NALCN: variants seen among roughly 807,000 people sequenced by gnomAD.
NALCN encodes the protein sodium leak channel, non-selective.
NALCN carries 111 observed loss-of-function variants against 225.3 expected under a neutral mutation model. The observed-to-expected ratio is 0.49, with a 90% CI of 0.42 to 0.58. The LOEUF (loss-of-function observed/expected upper bound fraction) is 0.58, where lower values mean the gene tolerates loss of function less well. Among genes scored for constraint, NALCN ranks in the 20% least tolerant of loss-of-function variants. The pLI is 0.00. For synonymous variants in NALCN, 764 were observed against 769.0 expected, an observed-to-expected ratio of 0.99 and a Z score of 0.11; for missense variants, 1,378 against 2,202.4, an observed-to-expected ratio of 0.63 and a Z score of 7.49.
intron 39 of NALCN, among the ~76,000 whole-genome samples, chr13:101,066,485 C>T (rs1336892356): frequency 6.6e-6 from 1 of 150,710 alleles, no homozygotes; most frequent in Admixed American, 6.6e-5. Flanking sequence ...CACCATGCCC[C>T]CTGGCTGTAT....
At chr13:101,118,548 A>G (rs2139676410) in intron 18 of NALCN, among the ~76,000 whole-genome samples, 1 of 152,318 alleles carries the variant, frequency 6.6e-6, no homozygotes, top group Non-Finnish European at 1.5e-5. Flanking sequence ...TTGTCTGAAT[A>G]CAGTTAATTT....
rs774748256 is a variant in NALCN, at chr13:101,107,687, G to A, written c.2456+11C>T. The A allele has an allele frequency of 1.2e-6, 2 of 1,613,824 alleles. No homozygotes were observed. Among genetic ancestry groups the A allele is most frequent in the Non-Finnish European group, 1.7e-6 (2 of 1,179,942 alleles). ...CGAATGAGAGCCATGGGACACTGCAGCAACCTGTACCTTTTCATCTCTGCT... is the reference window on the plus strand; with the variant it reads ...CGAATGAGAGCCATGGGACACTGCAACAACCTGTACCTTTTCATCTCTGCT... On this transcript the variant is annotated intron_variant, in intron 21 of 43. Coordinates refer to ENST00000251127, the MANE Select transcript of NALCN (RefSeq NM_052867.4).
At position 101,061,888 on chromosome 13, in the gene NALCN, G is replaced by A. The variant is rs1397203130; in HGVS notation, c.4755+80C>T. 2.4e-5 allele frequency: 33 copies of A among 1,373,752 alleles called. No homozygotes were observed. In the East Asian group the frequency reaches 6.1e-4, roughly 26 times the overall value. The allele number at this position is 1,373,752 out of a possible 1,614,324, so 85.1% of individuals were successfully genotyped here. A position where few individuals can be genotyped will look rare whatever the true frequency, so the allele number is the denominator to read the frequency against. On this transcript the variant is annotated intron_variant, in intron 41 of 43. Transcript: ENST00000251127. Reference sequence around the variant, plus strand: ...CAGAAGGAGCTAATCCCATGTTCACGAAGCTCTTTTCTTTCATCCTCCTGC... The same window carrying A: ...CAGAAGGAGCTAATCCCATGTTCACAAAGCTCTTTTCTTTCATCCTCCTGC...
intron 30 of NALCN, among the ~76,000 whole-genome samples, chr13:101,087,712 A>AGACC (rs928545534): frequency 1.3e-5 from 2 of 152,186 alleles, no homozygotes; most frequent in Non-Finnish European, 2.9e-5. Context: ...TGCTGGATGG[A>AGACC]GACCTCCCTG....
At chr13:101,407,672 G>C (rs2047662613) in intron 1 of NALCN, among the ~76,000 whole-genome samples, 1 of 152,170 alleles carries the variant, frequency 6.6e-6, no homozygotes, top group Non-Finnish European at 1.5e-5. Flanking sequence ...AGGCAAACAT[G>C]CCCAGACCCA....
intron 9 of NALCN, among the ~76,000 whole-genome samples, chr13:101,290,217 G>C (rs1303372802): frequency 6.6e-6 from 1 of 152,130 alleles, no homozygotes; most frequent in African/African-American, 2.4e-5. Flanking sequence ...TGCCTGACTT[G>C]GTGGTGCTTC....
intron 15 of NALCN, among the ~76,000 whole-genome samples, chr13:101,171,696 GA>G (rs1251135145): frequency 1.3e-5 from 2 of 152,138 alleles, no homozygotes; most frequent in East Asian, 3.8e-4. Context: ...AAAAGCCATA[GA>G]GGTGACCATC....
chr13:101,397,105 T>C (rs867572889), intron 2 of NALCN, among the ~76,000 whole-genome samples: 6,869 of 77,766 alleles, frequency 0.088, 821 homozygotes, highest in African/African-American at 0.36. Context: ...TATATATATA[T>C]ATATACATAC....
intron 15 of NALCN, among the ~76,000 whole-genome samples, chr13:101,167,262 T>C (rs536628742): frequency 1.1e-4 from 17 of 152,346 alleles, no homozygotes; most frequent in Admixed American, 3.9e-4. Context: ...TCATTGGAAT[T>C]TTACGAAAGA....
intron 9 of NALCN, among the ~76,000 whole-genome samples, chr13:101,285,563 C>G (rs2043310267): frequency 6.6e-6 from 1 of 152,126 alleles, no homozygotes; most frequent in African/African-American, 2.4e-5. Flanking sequence ...GCTTCTGCCT[C>G]CTATATGTAT....
intron 15 of NALCN, among the ~76,000 whole-genome samples, chr13:101,159,634 G>C (rs1030861016): frequency 6.6e-6 from 1 of 152,180 alleles, no homozygotes; most frequent in African/African-American, 2.4e-5. Flanking sequence ...TCCCAGTAAT[G>C]ACAGCTCTCG....
At position 101,143,237 on chromosome 13, in the gene NALCN, A is replaced by G. The variant is rs1475847332; in HGVS notation, c.1977-16T>C. On this transcript the variant is annotated splice_polypyrimidine_tract_variant and intron_variant, in intron 16 of 43. Coordinates refer to ENST00000251127, the MANE Select transcript of NALCN (RefSeq NM_052867.4). ...AAAACTCTCCCTTTGCAAATGAAGT[A>G]TATGTGCATCAGGCATTATTAGTGG... is the stretch of plus-strand genomic sequence containing the variant. The G allele has an allele frequency of 6.9e-6, 11 of 1,597,134 alleles. No homozygotes were observed. The highest frequency in any genetic ancestry group is 1.1e-5 in the South Asian group (1 of 88,448).
At chr13:101,387,252 A>AAAT (rs58578868) in intron 3 of NALCN, among the ~76,000 whole-genome samples, 1,361 of 116,758 alleles carry the variant, frequency 0.012, 168 homozygotes, top group African/African-American at 0.023. Flanking sequence ...AAAAAAAAAA[A>AAAT]AACAGGTTAG....
chr13:101,175,519 A>G (rs947091518), intron 15 of NALCN, among the ~76,000 whole-genome samples: 1 of 152,184 alleles, frequency 6.6e-6, no homozygotes, highest in Non-Finnish European at 1.5e-5. Context: ...TCAACATTAT[A>G]ACATTCTAAC....
chr13:101,159,326 G>A (rs1358543467), intron 15 of NALCN, among the ~76,000 whole-genome samples: 1 of 152,084 alleles, frequency 6.6e-6, no homozygotes, highest in African/African-American at 2.4e-5. Context: ...CTTATCTAGG[G>A]CCCTGTGACC....
At chr13:101,129,432 G>C (rs1361205693) in intron 17 of NALCN, among the ~76,000 whole-genome samples, 1 of 152,152 alleles carries the variant, frequency 6.6e-6, no homozygotes, top group Admixed American at 6.5e-5. Context: ...AGTTTTTCAA[G>C]TTGGTCAGTC....
chr13:101,243,546 C>T lies in NALCN; in HGVS notation c.1267-5624G>A, dbSNP rs1201786877. 3.8e-5 allele frequency among the ~76,000 whole-genome samples: 4 copies of T among 104,934 alleles called. 2 individuals carry two copies. Among genetic ancestry groups the T allele is most frequent in the Non-Finnish European group, 8.5e-5 (4 of 47,176 alleles). The allele number at this position is 104,934 out of a possible 152,430, so 68.8% of individuals were successfully genotyped here. ...ACTTTTCTTTCCTTCACCATGGATA[C>T]ATGTTTTTGATGTAATTGTCGTTTG... On this transcript the variant is annotated intron_variant, in intron 11 of 43. Transcript: ENST00000251127.
chr13:101,058,934 A>C (rs886421352), intron 42 of NALCN: 1 of 152,326 alleles, frequency 6.6e-6, no homozygotes, highest in African/African-American at 2.4e-5. Flanking sequence ...TGGGGAGCCC[A>C]AAACATGAGA....
intron 11 of NALCN, among the ~76,000 whole-genome samples, chr13:101,240,365 A>G (rs2041714403): frequency 6.6e-6 from 1 of 151,318 alleles, no homozygotes; most frequent in African/African-American, 2.4e-5. Flanking sequence ...CTATCTATCT[A>G]TGTATTTTTT....
Sources: gnomAD v4.1 joint callset for allele counts (sites outside exome capture counted in the v4.1 genomes callset) on GRCh38, gnomAD v4.1.1 for gene constraint, MANE v1.5 for transcripts, NCBI Gene and HGNC (gene_info 2026-07-23, HGNC 2026-07-21) for gene names.